The following HTR4 variants were observed in gnomAD, a reference collection of about 807,000 sequenced individuals.
HTR4 encodes 5-hydroxytryptamine receptor 4, also known as 5-hydroxytryptamine (serotonin) receptor 4, G protein-coupled.
In HTR4, 16 loss-of-function variants were observed where a neutral mutation model predicts 36.8. The ratio of observed to expected loss-of-function variants is 0.43; its 90% CI spans 0.29 to 0.66. The LOEUF (loss-of-function observed/expected upper bound fraction) is 0.66, where lower values mean the gene tolerates loss of function less well. Ranked by LOEUF, HTR4 falls within the 30% of genes least tolerant of loss-of-function variation. HTR4 has a pLI of 0.13. For synonymous variants in HTR4, 189 were observed against 185.1 expected, an observed-to-expected ratio of 1.02 and a Z score of -0.17; for missense variants, 438 against 490.9, an observed-to-expected ratio of 0.89 and a Z score of 1.02.
rs555890988 is a variant in HTR4, at chr5:148,642,089, G to A, written c.-47-5028C>T. Among the ~76,000 whole-genome samples, 13 of 152,110 alleles carry A rather than the reference G, an allele frequency of 8.5e-5. No homozygotes were observed. The South Asian group carries it at 2.1e-3, about 24-fold the overall frequency. The stretch of plus-strand genomic sequence containing the variant: ...ATGCATAACTATGCTTGGATTGACC[G>A]TGTTTCTTTATAGACTATGCCTACA... On this transcript the variant is annotated intron_variant, in intron 1 of 6. Coordinates refer to ENST00000377888, the MANE Select transcript of HTR4 (RefSeq NM_000870.7).
chr5:148,500,172 T>C (rs1314924658), intron 6 of HTR4, among the ~76,000 whole-genome samples: 2 of 152,156 alleles, frequency 1.3e-5, no homozygotes, highest in Admixed American at 6.6e-5. Context: ...GAGACACCTA[T>C]ATGGGGTTGT....
intron 4 of HTR4, among the ~76,000 whole-genome samples, chr5:148,542,781 A>T (rs1481634142): frequency 6.6e-6 from 1 of 152,194 alleles, no homozygotes; most frequent in South Asian, 2.1e-4. Context: ...ATTTGGCCTA[A>T]TATAGGGAAG....
chr5:148,540,210 C>T (rs529342708), intron 4 of HTR4, among the ~76,000 whole-genome samples: 7 of 151,126 alleles, frequency 4.6e-5, no homozygotes, highest in South Asian at 2.1e-4. Context: ...AAAGACATTG[C>T]GTCTACTTAA....
intron 2 of HTR4, among the ~76,000 whole-genome samples, chr5:148,555,078 TA>T (rs1459501932): frequency 6.6e-6 from 1 of 151,860 alleles, no homozygotes; most frequent in Non-Finnish European, 1.5e-5. Context: ...TAGCATTATA[TA>T]AAAAAAGAAT....
intron 5 of HTR4, chr5:148,465,809 G>A: frequency 6.3e-7 from 1 of 1,584,014 alleles, no homozygotes; most frequent in Non-Finnish European, 8.5e-7. Context: ...AAATAAATAG[G>A]CAGACACAGA....
chr5:148,496,874 T>C (rs573264361), intron 6 of HTR4, among the ~76,000 whole-genome samples: 50 of 152,334 alleles, frequency 3.3e-4, no homozygotes, highest in African/African-American at 1.1e-3. Flanking sequence ...GTGGTTCATG[T>C]TTATATCTGC....
chr5:148,456,961 C>T (rs1235483577), intron 5 of HTR4, among the ~76,000 whole-genome samples: 4 of 152,294 alleles, frequency 2.6e-5, no homozygotes, highest in Admixed American at 6.5e-5. Flanking sequence ...TCCTCAGTAA[C>T]TGAACAAACG....
chr5:148,540,920 G>A (rs1055200049), intron 4 of HTR4, among the ~76,000 whole-genome samples: 9 of 152,080 alleles, frequency 5.9e-5, no homozygotes, highest in Admixed American at 2.6e-4. Context: ...GAAGGCCCTC[G>A]CTACAGCCAC....
At chr5:148,630,750 C>A (rs1388815018) in intron 2 of HTR4, among the ~76,000 whole-genome samples, 1 of 151,996 alleles carries the variant, frequency 6.6e-6, no homozygotes, top group African/African-American at 2.4e-5. Flanking sequence ...ATACTATGTG[C>A]AAAATACTAT....
At chr5:148,570,061 C>A (rs947328108) in intron 2 of HTR4, among the ~76,000 whole-genome samples, 3 of 152,074 alleles carry the variant, frequency 2.0e-5, no homozygotes, top group Non-Finnish European at 4.4e-5. Context: ...ACTGCTCTTG[C>A]CAAATAGGTC....
At chr5:148,504,298 A>G (rs552945458) in intron 6 of HTR4, among the ~76,000 whole-genome samples, 7 of 152,228 alleles carry the variant, frequency 4.6e-5, no homozygotes, top group Non-Finnish European at 1.0e-4. Flanking sequence ...ACTGTCTCTC[A>G]GACCACAGTG....
At chr5:148,502,892 A>G (rs1375099692) in intron 6 of HTR4, among the ~76,000 whole-genome samples, 2 of 151,932 alleles carry the variant, frequency 1.3e-5, no homozygotes, top group African/African-American at 2.4e-5. Context: ...AAAGGGTATC[A>G]GTGATTGAAG....
intron 2 of HTR4, among the ~76,000 whole-genome samples, chr5:148,635,075 C>A (rs1212457251): frequency 6.6e-6 from 1 of 152,070 alleles, no homozygotes; most frequent in Non-Finnish European, 1.5e-5. Context: ...AATAAACCTA[C>A]ATTTACATTT....
intron 2 of HTR4, among the ~76,000 whole-genome samples, chr5:148,600,998 A>C (rs866963829): frequency 2.0e-4 from 30 of 148,902 alleles, no homozygotes; most frequent in African/African-American, 6.4e-4. Context: ...AAAAAAAAAA[A>C]AAAAACAAAT....
At chr5:148,488,757 C>T (rs887568711) in intron 6 of HTR4, among the ~76,000 whole-genome samples, 1 of 152,136 alleles carries the variant, frequency 6.6e-6, no homozygotes, top group Non-Finnish European at 1.5e-5. Context: ...TCTTTTGAAG[C>T]TTGCAGAAAG....
intron 5 of HTR4, among the ~76,000 whole-genome samples, chr5:148,519,304 C>A (rs891351117): frequency 2.2e-4 from 34 of 152,012 alleles, no homozygotes; most frequent in African/African-American, 8.0e-4. Context: ...ATTATGTGAA[C>A]CCTTTGAATT....
intron 2 of HTR4, among the ~76,000 whole-genome samples, chr5:148,563,014 A>T (rs1486271709): frequency 6.6e-6 from 1 of 152,188 alleles, no homozygotes; most frequent in Non-Finnish European, 1.5e-5. Context: ...AGCTTTGAAA[A>T]ATATTGAGAT....
At chr5:148,615,082 G>T (rs1245539377) in intron 2 of HTR4, among the ~76,000 whole-genome samples, 1 of 151,366 alleles carries the variant, frequency 6.6e-6, no homozygotes, top group Non-Finnish European at 1.5e-5. Context: ...ACTGTTGGTG[G>T]GACTGTAAAC....
intron 2 of HTR4, among the ~76,000 whole-genome samples, chr5:148,567,145 T>A (rs551899552): frequency 6.6e-6 from 1 of 152,268 alleles, no homozygotes; most frequent in East Asian, 1.9e-4. Flanking sequence ...GCTTAATAGA[T>A]GAAATTTTCT....
Sources: gnomAD v4.1 joint callset for allele counts (sites outside exome capture counted in the v4.1 genomes callset) on GRCh38, gnomAD v4.1.1 for gene constraint, MANE v1.5 for transcripts, NCBI Gene and HGNC (gene_info 2026-07-23, HGNC 2026-07-21) for gene names.